Variants in OTOGL observed in about 807,000 individuals in gnomAD.
The protein encoded by OTOGL is otogelin-like protein.
A neutral mutation model predicts 318.5 loss-of-function variants in OTOGL; 285 were observed. The observed-to-expected ratio is 0.89, with a 90% confidence interval of 0.81 to 0.99. OTOGL has a LOEUF of 0.99. Ranked by LOEUF, OTOGL falls within the 50% of genes least tolerant of loss-of-function variation. The pLI, the probability that OTOGL is intolerant of heterozygous loss-of-function variation, is 0.00. For synonymous variants in OTOGL, 987 were observed against 936.5 expected (o/e 1.05, Z -0.99); for missense variants, 2,899 against 2,845.6 (o/e 1.02, Z -0.43).
chr12:80,336,408 TA>T lies in OTOGL; in HGVS notation c.4601-4del. ...GACTAAATCCACTTTCCACCATTTTTATAGGTCGGTGTTCCATGTTGTCAGA... is the reference window on the plus strand; with the variant it reads ...GACTAAATCCACTTTCCACCATTTTTTAGGTCGGTGTTCCATGTTGTCAGA... On this transcript the variant is annotated splice_polypyrimidine_tract_variant and splice_region_variant and intron_variant, in intron 39 of 58. Transcript: ENST00000547103. 4 of 1,580,548 alleles carry T rather than the reference TA, an allele frequency of 2.5e-6. No homozygotes were observed. Among genetic ancestry groups the T allele is most frequent in the Non-Finnish European group, 3.4e-6 (4 of 1,166,510 alleles).
At chr12:80,317,013 C>A (rs2137817097) in intron 32 of OTOGL, among the ~76,000 whole-genome samples, 1 of 152,170 alleles carries the variant, frequency 6.6e-6, no homozygotes, top group Non-Finnish European at 1.5e-5. Context: ...TAGAAGAATT[C>A]AAAGGTTATT....
At position 80,266,478 on chromosome 12, in the gene OTOGL, A is replaced by G. The variant is rs2137565028; in HGVS notation, c.2252A>G (p.Tyr751Cys). ...CAVVCQKGML[Y>C]HHCSSFCLHS... ...GTGGTGTGCCAGAAGGGCATGCTGTACCATCACTGTTCCTCGTTCTGCCTC... is the reference window on the plus strand; with the variant it reads ...GTGGTGTGCCAGAAGGGCATGCTGTGCCATCACTGTTCCTCGTTCTGCCTC... The change falls in exon 21 of 59, where the codon TAC becomes TGC. Residue 751 changes from tyrosine (Y) to cysteine (C), a missense_variant. Coordinates refer to ENST00000547103, the MANE Select transcript of OTOGL (RefSeq NM_001378609.3). 1.2e-6 allele frequency: 2 copies of G among 1,613,560 alleles called. No homozygotes were observed. Among genetic ancestry groups the G allele is most frequent in the Non-Finnish European group, 1.7e-6 (2 of 1,179,720 alleles).
intron 5 of OTOGL, among the ~76,000 whole-genome samples, chr12:80,218,795 C>CTTTTTTTTTTT (rs34204072): frequency 4.3e-4 from 51 of 118,212 alleles, no homozygotes; most frequent in South Asian, 7.9e-4. Context: ...CTTTTTCTTT[C>CTTTTTTTTTTT]TTTTTTTTTT....
chr12:80,253,678 C>T lies in OTOGL; in HGVS notation c.1394+104C>T, dbSNP rs1044537183. The stretch of plus-strand genomic sequence containing the variant: ...ATATACTCATTACTAATTTACTTCC[C>T]AAATTCCAACACAAAACTTGCATTT... On this transcript the variant is annotated intron_variant, in intron 14 of 58. Coordinates refer to ENST00000547103, the MANE Select transcript of OTOGL (RefSeq NM_001378609.3). 7.2e-6 allele frequency: 6 copies of T among 837,896 alleles called. No individual in the cohort carries two copies. In the South Asian group the frequency reaches 1.1e-4, roughly 15 times the overall value. The allele number at this position is 837,896 out of a possible 1,614,324, so 51.9% of individuals were successfully genotyped here.
rs1245374710 is a variant in OTOGL, at chr12:80,328,649, T to A, written c.4200-16T>A. ...AACTTTTCTTCACTTTGATTTACTC[T>A]TTTTTCCATGTAAAGGGTTGAAGGA... On this transcript the variant is annotated splice_polypyrimidine_tract_variant and intron_variant, in intron 35 of 58. Coordinates refer to ENST00000547103, the MANE Select transcript of OTOGL (RefSeq NM_001378609.3). 1 of 1,557,486 alleles carries A rather than the reference T, an allele frequency of 6.4e-7. No homozygotes were observed. The highest frequency in any genetic ancestry group is 8.8e-7 in the Non-Finnish European group (1 of 1,133,518).
intron 1 of OTOGL, among the ~76,000 whole-genome samples, chr12:80,155,690 G>A (rs1313759855): frequency 6.6e-6 from 1 of 152,106 alleles, no homozygotes; most frequent in African/African-American, 2.4e-5. Context: ...ACCCTGTTGT[G>A]CTATCACATA....
rs537607410 is a variant in OTOGL, at chr12:80,219,476, G to A, written c.236-338G>A. Among the ~76,000 whole-genome samples the A allele has an allele frequency of 1.1e-4, 17 of 152,290 alleles. No individual in the cohort carries two copies. In the South Asian group the frequency reaches 2.9e-3, roughly 26 times the overall value. The stretch of plus-strand genomic sequence containing the variant: ...GCAGCCAGCGCCAAACTCTGTCAAC[G>A]GAATCATCTGCAGCTTGTGTATTTC... On this transcript the variant is annotated intron_variant, in intron 5 of 58. Transcript: ENST00000547103.
chr12:80,166,176 C>G (rs1267852871), intron 1 of OTOGL, among the ~76,000 whole-genome samples: 1 of 143,792 alleles, frequency 7.0e-6, no homozygotes, highest in Non-Finnish European at 1.5e-5. Flanking sequence ...TTTTCCTTTC[C>G]TCTCTCCCTC....
At chr12:80,324,339 T>TGGAG (rs1887545301) in intron 35 of OTOGL, among the ~76,000 whole-genome samples, 2 of 152,106 alleles carry the variant, frequency 1.3e-5, no homozygotes, top group Admixed American at 6.6e-5. Context: ...AATCTTTAAT[T>TGGAG]TGAGAACAGT....
At chr12:80,157,466 TGTACTTATAGA>T (rs1433259753) in intron 1 of OTOGL, among the ~76,000 whole-genome samples, 1 of 152,300 alleles carries the variant, frequency 6.6e-6, no homozygotes, top group East Asian at 1.9e-4. Context: ...TTTGGTCGCC[TGTACTTATAGA>T]GTACTACTCA....
At chr12:80,113,776 C>T (rs1391739602) in intron 1 of OTOGL, among the ~76,000 whole-genome samples, 1 of 152,142 alleles carries the variant, frequency 6.6e-6, no homozygotes, top group African/African-American at 2.4e-5. Context: ...TCTCTAAGAA[C>T]TTGCTTTATG....
chr12:80,331,333 A>AT (rs386377119), intron 37 of OTOGL, among the ~76,000 whole-genome samples: 43,225 of 82,146 alleles, frequency 0.53, 12,353 homozygotes, highest in East Asian at 0.65. Context: ...AGTCATTAGA[A>AT]TTTTTTTTTT....
At position 80,278,158 on chromosome 12, in the gene OTOGL, C is replaced by T; in HGVS notation, c.2682-10C>T. 6.5e-7 allele frequency: 1 copy of T among 1,534,256 alleles called. No homozygotes were observed. Among genetic ancestry groups the T allele is most frequent in the Non-Finnish European group, 8.8e-7 (1 of 1,133,582 alleles). On this transcript the variant is annotated splice_polypyrimidine_tract_variant and intron_variant, in intron 24 of 58. Transcript: ENST00000547103. ...TCATACTAAATAGCATTTTATTCTT[C>T]ATTTGGAAGAATGGCAGAGCACAGA...
At chr12:80,258,908 T>C (rs992644085) in intron 18 of OTOGL, among the ~76,000 whole-genome samples, 1 of 152,058 alleles carries the variant, frequency 6.6e-6, no homozygotes, top group African/African-American at 2.4e-5. Context: ...CAATTAATTA[T>C]ATAATGACTA....
intron 1 of OTOGL, among the ~76,000 whole-genome samples, chr12:80,143,782 A>G (rs1340119782): frequency 6.6e-6 from 1 of 152,224 alleles, no homozygotes; most frequent in Non-Finnish European, 1.5e-5. Context: ...GAACATGGAC[A>G]GTAAATAATG....
rs558867075 is a variant in OTOGL, at chr12:80,249,355, CT to C, written c.1053-2335del. On this transcript the variant is annotated intron_variant, in intron 11 of 58. Transcript: ENST00000547103. Reference sequence around the variant, plus strand: ...CAGATGGGTTTTCGGTGTGGATGTCCTTTCTGTTTGTTAGTTTCCCTTCTAA... The same window carrying C: ...CAGATGGGTTTTCGGTGTGGATGTCCTTCTGTTTGTTAGTTTCCCTTCTAA... Among the ~76,000 whole-genome samples, 8 of 151,472 alleles carry C rather than the reference CT, an allele frequency of 5.3e-5. No homozygotes were observed. In the South Asian group the frequency reaches 1.7e-3, roughly 31 times the overall value.
chr12:80,354,589 A>C (rs561734376), intron 46 of OTOGL, among the ~76,000 whole-genome samples: 2 of 152,190 alleles, frequency 1.3e-5, no homozygotes, highest in Non-Finnish European at 2.9e-5. Context: ...CTTCATTACG[A>C]TCAAAAGAAA....
intron 26 of OTOGL, among the ~76,000 whole-genome samples, chr12:80,296,150 C>T (rs903717750): frequency 4.6e-5 from 7 of 152,178 alleles, no homozygotes; most frequent in Non-Finnish European, 5.9e-5. Context: ...TTCCTAATTT[C>T]TTTACAAGTG....
intron 57 of OTOGL, among the ~76,000 whole-genome samples, chr12:80,375,981 G>C (rs1197263621): frequency 6.6e-6 from 1 of 151,998 alleles, no homozygotes; most frequent in Admixed American, 6.6e-5. Flanking sequence ...AACCAGGTGA[G>C]CTCAGGAAGC....
Sources: allele counts gnomAD v4.1 joint callset (sites outside exome capture counted in the v4.1 genomes callset), GRCh38; gene constraint gnomAD v4.1.1; transcripts MANE v1.5; gene names NCBI Gene and HGNC (gene_info 2026-07-23, HGNC 2026-07-21).